The following NFIA variants were observed in gnomAD, a reference collection of about 807,000 sequenced individuals.
NFIA encodes the protein nuclear factor I A, also known as nuclear factor 1 A-type.
In NFIA, 8 loss-of-function variants were observed where a neutral mutation model predicts 62.8. That is an observed-to-expected ratio of 0.13 (90% CI 0.07 to 0.23). NFIA has a LOEUF of 0.23. NFIA is among the 10% of genes least tolerant of loss of function. The pLI is 1.00. For synonymous variants in NFIA, 235 were observed against 238.1 expected (o/e 0.99, Z 0.12); for missense variants, 410 against 642.1 (o/e 0.64, Z 3.91).
chr1:61,365,073 G>A (rs12036069), intron 6 of NFIA, among the ~76,000 whole-genome samples: 15,979 of 152,202 alleles, frequency 0.1, 1,066 homozygotes, highest in Non-Finnish European at 0.14. Context: ...CGTAGTCCCA[G>A]CTACTTGGGA....
intron 3 of NFIA, among the ~76,000 whole-genome samples, chr1:61,280,921 A>G (rs1406837613): frequency 2.6e-5 from 4 of 152,196 alleles, no homozygotes; most frequent in Admixed American, 6.5e-5. Context: ...GTACACCCCA[A>G]TCTCAGTTTT....
chr1:61,101,692 A>C (rs1331335061), intron 2 of NFIA, among the ~76,000 whole-genome samples: 1 of 152,134 alleles, frequency 6.6e-6, no homozygotes, highest in African/African-American at 2.4e-5. Flanking sequence ...TCTTGGAAAA[A>C]AGTTAGCAGT....
chr1:61,133,812 C>T (rs1490425995), intron 2 of NFIA, among the ~76,000 whole-genome samples: 1 of 152,124 alleles, frequency 6.6e-6, no homozygotes, highest in Non-Finnish European at 1.5e-5. Flanking sequence ...CCACTGCACT[C>T]CAGCCTGGGC....
chr1:61,158,386 C>T (rs1648955534), intron 2 of NFIA, among the ~76,000 whole-genome samples: 1 of 152,116 alleles, frequency 6.6e-6, no homozygotes, highest in South Asian at 2.1e-4. Context: ...TGGAATCCTA[C>T]TACCCTGATT....
chr1:61,320,522 A>G (rs753648979), intron 3 of NFIA, among the ~76,000 whole-genome samples: 45 of 152,322 alleles, frequency 3.0e-4, no homozygotes, highest in South Asian at 1.0e-3. Flanking sequence ...ATAATAGTAC[A>G]TTTAATATTT....
intron 10 of NFIA, among the ~76,000 whole-genome samples, chr1:61,443,381 G>A (rs1238746927): frequency 6.6e-6 from 1 of 152,128 alleles, no homozygotes; most frequent in African/African-American, 2.4e-5. Context: ...TCTTAGCAGA[G>A]GTGCAAACTG....
intron 2 of NFIA, among the ~76,000 whole-genome samples, chr1:61,256,391 G>C (rs564864345): frequency 1.7e-4 from 25 of 144,838 alleles, no homozygotes; most frequent in African/African-American, 6.5e-4. Context: ...AGCCAAGATC[G>C]CACCTCTGCA....
intron 2 of NFIA, among the ~76,000 whole-genome samples, chr1:61,184,216 T>A (rs1165371122): frequency 6.6e-6 from 1 of 151,092 alleles, no homozygotes; most frequent in African/African-American, 2.4e-5. Context: ...GGCTTGCTTC[T>A]CCTGGTGTGG....
intron 2 of NFIA, among the ~76,000 whole-genome samples, chr1:61,188,293 A>G (rs2100571606): frequency 6.6e-6 from 1 of 152,178 alleles, no homozygotes; most frequent in South Asian, 2.1e-4. Context: ...TTTAGATTTC[A>G]GAGAAGGAAG....
chr1:61,226,304 T>C (rs1279986701), intron 2 of NFIA, among the ~76,000 whole-genome samples: 1 of 152,226 alleles, frequency 6.6e-6, no homozygotes, highest in African/African-American at 2.4e-5. Context: ...TCCAGATATG[T>C]ATTTACATGA....
At chr1:61,176,104 G>T (rs1650321451) in intron 2 of NFIA, among the ~76,000 whole-genome samples, 1 of 152,198 alleles carries the variant, frequency 6.6e-6, no homozygotes, top group South Asian at 2.1e-4. Flanking sequence ...AACAGGGTGT[G>T]TTCCAGCAGT....
intron 3 of NFIA, 22 bp from the exon 4 acceptor site, chr1:61,332,490 T>A: frequency 6.2e-7 from 1 of 1,609,634 alleles, no homozygotes; most frequent in East Asian, 2.2e-5. Context: ...CACTTTGTTT[T>A]CTTTTGTTTT....
rs1010076904 is a variant in NFIA at position 61,277,828 on chromosome 1, C to T, written c.625+243C>T. 5.7e-4 allele frequency among the ~76,000 whole-genome samples: 86 copies of T among 152,076 alleles called. 1 individual carries two copies. The highest frequency in any genetic ancestry group is 1.3e-4 in the Non-Finnish European group (9 of 68,026). On this transcript the variant is annotated intron_variant, in intron 3 of 10. Coordinates refer to ENST00000403491, the MANE Select transcript of NFIA (RefSeq NM_001134673.4). ...AGGGTGCCCATGAGAACCTGAATTC[C>T]CAAGAACGTTGATTACCCAATTAAA...
At chr1:61,308,810 CTGT>C (rs1350012731) in intron 3 of NFIA, among the ~76,000 whole-genome samples, 5 of 152,170 alleles carry the variant, frequency 3.3e-5, no homozygotes, top group African/African-American at 9.7e-5. Context: ...GCTGTTCCTG[CTGT>C]TGTTATTGCT....
At chr1:61,260,691 C>T (rs1398734614) in intron 2 of NFIA, among the ~76,000 whole-genome samples, 1 of 152,216 alleles carries the variant, frequency 6.6e-6, no homozygotes, top group Non-Finnish European at 1.5e-5. Flanking sequence ...TGCCATTCTC[C>T]TGCCTCAACC....
rs1385695497 is a variant in NFIA, at chr1:61,461,862, A to G, written c.*6542A>G. 6.6e-6 allele frequency: 1 copy of G among 152,058 alleles called. No homozygotes were observed. The highest frequency in any genetic ancestry group is 1.9e-4 in the East Asian group (1 of 5,192). The allele number at this position is 152,058 out of a possible 1,614,324, so 9.4% of individuals were successfully genotyped here. On this transcript the variant is annotated 3_prime_UTR_variant, in exon 11 of 11. Coordinates refer to ENST00000403491, the MANE Select transcript of NFIA (RefSeq NM_001134673.4). ...ACTTTTGTATCTCTGCAGTGGTTTC[A>G]AGGACAAATAGTGTCCAATGTATTG...
chr1:61,429,518 G>A (rs902425474), intron 10 of NFIA, among the ~76,000 whole-genome samples: 1 of 152,138 alleles, frequency 6.6e-6, no homozygotes, highest in African/African-American at 2.4e-5. Context: ...TACTACTGGT[G>A]GAGTCCCTGC....
At chr1:61,235,898 C>A (rs1020520320) in intron 2 of NFIA, among the ~76,000 whole-genome samples, 2 of 152,036 alleles carry the variant, frequency 1.3e-5, no homozygotes, top group Admixed American at 1.3e-4. Context: ...TTGGCTCCCC[C>A]ACTCAACTGA....
At chr1:61,307,549 A>G (rs1659866884) in intron 3 of NFIA, among the ~76,000 whole-genome samples, 1 of 152,246 alleles carries the variant, frequency 6.6e-6, no homozygotes, top group Admixed American at 6.5e-5. Flanking sequence ...CAATCTGAGA[A>G]TCAGTCACCT....
Sources: gnomAD v4.1 joint callset for allele counts (sites outside exome capture counted in the v4.1 genomes callset) on GRCh38, gnomAD v4.1.1 for gene constraint, MANE v1.5 for transcripts, NCBI Gene and HGNC (gene_info 2026-07-23, HGNC 2026-07-21) for gene names.